The following EPHX1 variants were observed in gnomAD, a reference collection of about 807,000 sequenced individuals.
EPHX1 encodes the protein epoxide hydratase.
In EPHX1, 40 loss-of-function variants were observed where a neutral mutation model predicts 43.2. That is an observed-to-expected ratio of 0.93 (90% CI 0.72 to 1.21). EPHX1 has a LOEUF of 1.21. Among genes scored for constraint, EPHX1 ranks in the 50% most tolerant of loss-of-function variants. EPHX1 has a pLI of 0.00. For missense variants in EPHX1, 550 were observed against 570.4 expected (o/e 0.96, Z 0.36); for synonymous variants, 221 against 226.7 (o/e 0.98, Z 0.22).
chr1:225,839,741 C>A, intron 5 of EPHX1, 88 bp from the exon 6 acceptor site: 1 of 1,395,858 alleles, frequency 7.2e-7, no homozygotes, highest in Non-Finnish European at 1.0e-6. Context: ...CGCTCCTCAG[C>A]CCTGAGGCCT....
At chr1:225,843,196 T>C (rs1425288310) in intron 7 of EPHX1, among the ~76,000 whole-genome samples, 1 of 141,260 alleles carries the variant, frequency 7.1e-6, no homozygotes, top group Admixed American at 7.1e-5. Context: ...ACTGTGAGAG[T>C]CCAGTGGAAG....
At chr1:225,827,127 G>A (rs1018422125) in intron 1 of EPHX1, among the ~76,000 whole-genome samples, 2 of 152,186 alleles carry the variant, frequency 1.3e-5, no homozygotes, top group African/African-American at 4.8e-5. Flanking sequence ...CTTGACAGGA[G>A]CAAACTCCAG....
chr1:225,825,337 C>T (rs1165465958), intron 1 of EPHX1: 1 of 152,324 alleles, frequency 6.6e-6, no homozygotes, highest in African/African-American at 2.4e-5. Context: ...GTGCCTGCAG[C>T]CTGCCCTGCC....
intron 1 of EPHX1, among the ~76,000 whole-genome samples, chr1:225,814,545 A>G (rs1666632321): frequency 6.6e-6 from 1 of 152,208 alleles, no homozygotes; most frequent in Non-Finnish European, 1.5e-5. Context: ...TGTCTCTGCC[A>G]CGGGCCCGCC....
At chr1:225,842,870 G>A (rs893005070) in intron 7 of EPHX1, among the ~76,000 whole-genome samples, 1 of 152,232 alleles carries the variant, frequency 6.6e-6, no homozygotes, top group African/African-American at 2.4e-5. Flanking sequence ...GGTGGTCGCA[G>A]AAAGACAGGA....
intron 1 of EPHX1, 39 bp from the exon 2 acceptor site, chr1:225,828,686 G>C (rs1438142537): frequency 6.2e-7 from 1 of 1,608,938 alleles, no homozygotes; most frequent in African/African-American, 1.3e-5. Context: ...GGCCGGGCTG[G>C]GCGGGCTCCG....
At chr1:225,818,927 A>AG (rs71281013) in intron 1 of EPHX1, among the ~76,000 whole-genome samples, 1 of 15,588 alleles carries the variant, frequency 6.4e-5, no homozygotes, top group African/African-American at 2.2e-4. Flanking sequence ...TGTCTCCATT[A>AG]AAAAAAAAAA....
intron 7 of EPHX1, 109 bp downstream of exon 7, chr1:225,842,583 C>A: frequency 2.4e-6 from 2 of 839,094 alleles, no homozygotes; most frequent in South Asian, 2.7e-5. Context: ...TCAGCAAATT[C>A]TATTGTTGGC....
At position 225,845,470 on chromosome 1, in the gene EPHX1, C is replaced by G. The variant is rs1329738137; in HGVS notation, c.*123C>G. On this transcript the variant is annotated 3_prime_UTR_variant, in exon 9 of 9. Transcript: ENST00000272167. The stretch of plus-strand genomic sequence containing the variant: ...GTCCCCTGCCCATGCTGGGAGCCCA[C>G]GCTCACCCCCTCACCCCTCCAAGCT... 4.1e-6 allele frequency: 4 copies of G among 981,318 alleles called. No homozygotes were observed. The highest frequency in any genetic ancestry group is 6.1e-6 in the Non-Finnish European group (4 of 658,784). The allele number at this position is 981,318 out of a possible 1,614,324, so 60.8% of individuals were successfully genotyped here.
chr1:225,842,962 C>T (rs1418395874), intron 7 of EPHX1, among the ~76,000 whole-genome samples: 1 of 152,220 alleles, frequency 6.6e-6, no homozygotes, highest in Non-Finnish European at 1.5e-5. Flanking sequence ...CAGGCTTCAC[C>T]AAGGTCAGCT....
At chr1:225,832,982 T>G (rs1267620004) in intron 3 of EPHX1, among the ~76,000 whole-genome samples, 1 of 152,240 alleles carries the variant, frequency 6.6e-6, no homozygotes, top group Non-Finnish European at 1.5e-5. Flanking sequence ...TGGGTTGCCA[T>G]ACAATTAATC....
rs571596147 is a variant in EPHX1, at chr1:225,818,767, A to G, written c.-6+8598A>G. Among the ~76,000 whole-genome samples, 4 of 152,154 alleles carry G rather than the reference A, an allele frequency of 2.6e-5. No individual in the cohort carries two copies. In the South Asian group the frequency reaches 6.2e-4, roughly 24 times the overall value. The stretch of plus-strand genomic sequence containing the variant: ...ATGGGAAGCTCTTTAAGGGTTTCGC[A>G]GGGGATGGGATATACATGATCAGAT... On this transcript the variant is annotated intron_variant, in intron 1 of 8. Coordinates refer to ENST00000272167, the MANE Select transcript of EPHX1 (RefSeq NM_001136018.4).
chr1:225,836,222 G>C (rs1042831621), intron 3 of EPHX1, among the ~76,000 whole-genome samples: 1 of 152,186 alleles, frequency 6.6e-6, no homozygotes, highest in Non-Finnish European at 1.5e-5. Flanking sequence ...ACAGAAAATG[G>C]ATATCAGGGG....
In EPHX1 at chr1:225,839,912, G is replaced by A. The variant is rs560773113; in HGVS notation, c.806G>A (p.Gly269Glu). The change falls in exon 6 of 9, where the codon GGG becomes GAG. Residue 269 changes from glycine to glutamate, a missense_variant. Coordinates refer to ENST00000272167, the MANE Select transcript of EPHX1 (RefSeq NM_001136018.4). ...TLTLLLGQRF[G>E]RFLGLTERDV... ...ACCCTCCTCCTGGGACAGCGTTTCG[G>A]GAGGTTTCTTGGCCTCACTGAGAGG... is the stretch of plus-strand genomic sequence containing the variant. 3.1e-6 allele frequency: 5 copies of A among 1,614,226 alleles called. No individual in the cohort carries two copies. The South Asian group carries it at 5.5e-5, about 18-fold the overall frequency.
At chr1:225,818,926 TAAAA>T (rs546153231) in intron 1 of EPHX1, among the ~76,000 whole-genome samples, 1 of 95,580 alleles carries the variant, frequency 1.0e-5, no homozygotes, top group Non-Finnish European at 2.0e-5. Flanking sequence ...CTGTCTCCAT[TAAAA>T]AAAAAAAAAA....
chr1:225,829,606 G>A (rs1218853778), intron 2 of EPHX1, among the ~76,000 whole-genome samples: 4 of 152,110 alleles, frequency 2.6e-5, no homozygotes, highest in African/African-American at 4.8e-5. Context: ...GGGACAGGAC[G>A]GTAGGCAGGC....
At chr1:225,844,145 C>T (rs190207480) in intron 7 of EPHX1, among the ~76,000 whole-genome samples, 17 of 152,232 alleles carry the variant, frequency 1.1e-4, no homozygotes, top group Admixed American at 9.2e-4. Context: ...TTAGAACATG[C>T]TGCCTGGTAT....
chr1:225,835,424 C>T (rs1175429754), intron 3 of EPHX1, among the ~76,000 whole-genome samples: 2 of 141,840 alleles, frequency 1.4e-5, no homozygotes, highest in Admixed American at 1.5e-4. Flanking sequence ...GAGTCTCGCT[C>T]TGTCACCCAG....
chr1:225,843,115 C>T (rs1282581532), intron 7 of EPHX1, among the ~76,000 whole-genome samples: 1 of 152,184 alleles, frequency 6.6e-6, no homozygotes, highest in Non-Finnish European at 1.5e-5. Context: ...GCTGTAGCCC[C>T]ATCACCTAGA....
Sources: gnomAD v4.1 joint callset for allele counts (sites outside exome capture counted in the v4.1 genomes callset) on GRCh38, gnomAD v4.1.1 for gene constraint, MANE v1.5 for transcripts, NCBI Gene and HGNC (gene_info 2026-07-23, HGNC 2026-07-21) for gene names.